Variants in NTM observed in about 807,000 individuals in gnomAD.
NTM encodes neurotrimin, also known as IgLON family member 2.
NTM carries 13 observed loss-of-function variants against 42.1 expected under a neutral mutation model. That is an observed-to-expected ratio of 0.31 (90% CI 0.20 to 0.49). The LOEUF is 0.49. Among genes scored for constraint, NTM ranks in the 20% least tolerant of loss-of-function variants. The probability of loss-of-function intolerance (pLI) is 0.99; values close to 1 mark genes in which losing one functional copy is unlikely to be tolerated. For missense variants in NTM, 373 were observed against 452.8 expected (o/e 0.82, Z 1.60); for synonymous variants, 187 against 179.2 (o/e 1.04, Z -0.35).
chr11:132,098,187 A>G (rs1020796610), intron 2 of NTM, among the ~76,000 whole-genome samples: 1 of 152,256 alleles, frequency 6.6e-6, no homozygotes, highest in African/African-American at 2.4e-5. Context: ...CCAAAAATTA[A>G]AAGTGATAAT....
intron 3 of NTM, among the ~76,000 whole-genome samples, chr11:132,196,525 G>T (rs983530167): frequency 1.3e-5 from 2 of 151,980 alleles, no homozygotes; most frequent in African/African-American, 4.8e-5. Flanking sequence ...CAATAGCAAA[G>T]ACATGGAATC....
chr11:131,671,117 C>T (rs769688641), intron 1 of NTM, among the ~76,000 whole-genome samples: 3 of 152,166 alleles, frequency 2.0e-5, no homozygotes, highest in Admixed American at 6.5e-5. Flanking sequence ...CAAGCAAAAG[C>T]GCCAGGAATT....
At chr11:131,851,570 G>GTGTGT (rs2045564424) in intron 1 of NTM, among the ~76,000 whole-genome samples, 4 of 110,408 alleles carry the variant, frequency 3.6e-5, no homozygotes, top group Non-Finnish European at 5.8e-5. Context: ...TGTGTGTGTG[G>GTGTGT]CCAAGTGGAG....
chr11:131,576,622 CAAAAG>C (rs752276196), intron 1 of NTM, among the ~76,000 whole-genome samples: 2 of 152,128 alleles, frequency 1.3e-5, no homozygotes, highest in Non-Finnish European at 2.9e-5. Flanking sequence ...ATGCCTAACT[CAAAAG>C]AAAAATATAA....
At chr11:131,631,738 C>T (rs1473957328) in intron 1 of NTM, among the ~76,000 whole-genome samples, 1 of 152,176 alleles carries the variant, frequency 6.6e-6, no homozygotes, top group Non-Finnish European at 1.5e-5. Context: ...TTTTCCTCCA[C>T]TGTGATTGGC....
intron 1 of NTM, among the ~76,000 whole-genome samples, chr11:131,578,866 A>G (rs2058154451): frequency 6.6e-6 from 1 of 152,184 alleles, no homozygotes; most frequent in East Asian, 1.9e-4. Flanking sequence ...CTTGTGAAGA[A>G]AGGCTGATAA....
At chr11:131,990,153 C>G (rs1275290153) in intron 2 of NTM, among the ~76,000 whole-genome samples, 2 of 151,982 alleles carry the variant, frequency 1.3e-5, no homozygotes, top group East Asian at 3.9e-4. Flanking sequence ...AAACCTAAGG[C>G]TGGAATTATT....
chr11:131,669,184 AAGAG>A (rs149747833), intron 1 of NTM, among the ~76,000 whole-genome samples: 6 of 149,784 alleles, frequency 4.0e-5, no homozygotes, highest in South Asian at 2.1e-4. Context: ...CCCCCATCCA[AAGAG>A]AGAGAGAGAG....
At chr11:131,869,674 A>G (rs1251910791) in intron 1 of NTM, among the ~76,000 whole-genome samples, 1 of 152,220 alleles carries the variant, frequency 6.6e-6, no homozygotes, top group Non-Finnish European at 1.5e-5. Flanking sequence ...CTTCAGTGAT[A>G]ATTCAGAAAA....
At chr11:131,601,808 A>T (rs2060510733) in intron 1 of NTM, among the ~76,000 whole-genome samples, 1 of 152,144 alleles carries the variant, frequency 6.6e-6, no homozygotes, top group Admixed American at 6.5e-5. Flanking sequence ...TCATATATTT[A>T]TCCATTTATT....
At chr11:131,447,297 G>A (rs539252828) in intron 1 of NTM, among the ~76,000 whole-genome samples, 2 of 152,250 alleles carry the variant, frequency 1.3e-5, no homozygotes, top group South Asian at 2.1e-4. Flanking sequence ...TTTCCTAGCC[G>A]CTGCTTCTGT....
chr11:131,398,320 T>C (rs948946172), intron 1 of NTM, among the ~76,000 whole-genome samples: 1 of 152,198 alleles, frequency 6.6e-6, no homozygotes, highest in African/African-American at 2.4e-5. Flanking sequence ...GTAATGTATC[T>C]TTATTAAATA....
At chr11:132,075,492 G>C (rs1294119854) in intron 2 of NTM, among the ~76,000 whole-genome samples, 1 of 137,318 alleles carries the variant, frequency 7.3e-6, no homozygotes, top group Non-Finnish European at 1.6e-5. Flanking sequence ...GCATTTCTAA[G>C]GTTAGCAAAC....
At chr11:131,520,396 T>C (rs886436723) in intron 1 of NTM, among the ~76,000 whole-genome samples, 4 of 152,080 alleles carry the variant, frequency 2.6e-5, no homozygotes, top group Non-Finnish European at 4.4e-5. Context: ...AGATTGTAAG[T>C]GGTAGAGGTG....
chr11:131,824,583 A>T (rs1015255095), intron 1 of NTM, among the ~76,000 whole-genome samples: 1 of 152,356 alleles, frequency 6.6e-6, no homozygotes, highest in African/African-American at 2.4e-5. Flanking sequence ...GTAAGCATTC[A>T]TTCATTTATT....
At chr11:132,260,733 C>A (rs2092795848) in intron 4 of NTM, among the ~76,000 whole-genome samples, 1 of 152,172 alleles carries the variant, frequency 6.6e-6, no homozygotes, top group Non-Finnish European at 1.5e-5. Context: ...AAGAGGGTCA[C>A]CAGATGGGAA....
chr11:132,242,429 G>A (rs2090367845), intron 4 of NTM, among the ~76,000 whole-genome samples: 1 of 152,180 alleles, frequency 6.6e-6, no homozygotes, highest in Non-Finnish European at 1.5e-5. Flanking sequence ...TTAAAAAAAT[G>A]GTGGGTGGGG....
intron 7 of NTM, among the ~76,000 whole-genome samples, chr11:132,320,822 G>C (rs1211046639): frequency 2.0e-5 from 3 of 151,560 alleles, no homozygotes; most frequent in Non-Finnish European, 4.4e-5. Flanking sequence ...TACGCAGCTG[G>C]AGATCTGAGA....
At chr11:131,714,801 C>T (rs2077519318) in intron 1 of NTM, among the ~76,000 whole-genome samples, 1 of 152,176 alleles carries the variant, frequency 6.6e-6, no homozygotes. Flanking sequence ...GCATTTGACA[C>T]CACCTTCCTC....
Sources: gnomAD v4.1 joint callset for allele counts (sites outside exome capture counted in the v4.1 genomes callset) on GRCh38, gnomAD v4.1.1 for gene constraint, MANE v1.5 for transcripts, NCBI Gene and HGNC (gene_info 2026-07-23, HGNC 2026-07-21) for gene names.